Variants in KY observed in about 807,000 individuals in gnomAD.
KY encodes the protein kyphoscoliosis peptidase.
A neutral mutation model predicts 76.1 loss-of-function variants in KY; 43 were observed. The observed-to-expected ratio is 0.57, with a 90% confidence interval of 0.44 to 0.73. The LOEUF is 0.73. KY is among the 30% of genes least tolerant of loss of function. The pLI, the probability that KY is intolerant of heterozygous loss-of-function variation, is 0.00. For missense variants in KY, 722 were observed against 828.9 expected, an observed-to-expected ratio of 0.87 and a Z score of 1.58; for synonymous variants, 277 against 326.2, an observed-to-expected ratio of 0.85 and a Z score of 1.63.
chr3:134,628,490 A>G (rs1963764260), intron 4 of KY, among the ~76,000 whole-genome samples: 1 of 152,200 alleles, frequency 6.6e-6, no homozygotes, highest in South Asian at 2.1e-4. Flanking sequence ...ATGCCCCTGA[A>G]GGCCACTTTA....
At chr3:134,647,557 T>A in intron 1 of KY, 60 bp from the exon 2 acceptor site, 1 of 1,023,814 alleles carries the variant, frequency 9.8e-7, no homozygotes, top group Non-Finnish European at 1.5e-6. Flanking sequence ...GATGTACCAG[T>A]TGCAGACTTA....
rs375073237 is a variant in KY, at chr3:134,640,317, C to T, written c.262+2999G>A. The stretch of plus-strand genomic sequence containing the variant: ...GGGGAGTAGTTAAGCCCACCGCTTT[C>T]GAGAGCCCACAGACATGGGTTCAAC... On this transcript the variant is annotated intron_variant, in intron 3 of 10. Coordinates refer to ENST00000423778, the MANE Select transcript of KY (RefSeq NM_178554.6). Among the ~76,000 whole-genome samples the T allele has an allele frequency of 3.3e-4, 50 of 152,236 alleles. 1 individual carries two copies. The highest frequency in any genetic ancestry group is 1.2e-3 in the African/African-American group (49 of 41,524).
At chr3:134,647,111 G>C (rs1043711811) in intron 2 of KY, among the ~76,000 whole-genome samples, 8 of 152,176 alleles carry the variant, frequency 5.3e-5, no homozygotes, top group African/African-American at 1.7e-4. Flanking sequence ...AAGATAGATG[G>C]CTGCCTCTCA....
At chr3:134,645,896 A>G (rs1447488782) in intron 2 of KY, among the ~76,000 whole-genome samples, 2 of 152,250 alleles carry the variant, frequency 1.3e-5, no homozygotes, top group Non-Finnish European at 2.9e-5. Context: ...CTCCCAAATC[A>G]GAAACCCGGA....
intron 8 of KY, among the ~76,000 whole-genome samples, chr3:134,617,314 G>A (rs1418707412): frequency 6.6e-6 from 1 of 152,210 alleles, no homozygotes. Context: ...TATTTCATCA[G>A]TTAAAAGAGA....
chr3:134,631,404 G>A (rs114030459), intron 3 of KY, among the ~76,000 whole-genome samples: 1,548 of 152,262 alleles, frequency 0.01, 35 homozygotes, highest in African/African-American at 0.036. Context: ...TCTTCAGACG[G>A]AAGAGAAATT....
intron 8 of KY, among the ~76,000 whole-genome samples, chr3:134,616,151 G>A (rs1175383659): frequency 6.6e-6 from 1 of 152,218 alleles, no homozygotes; most frequent in Non-Finnish European, 1.5e-5. Context: ...GAGGCAAAAA[G>A]AGAGACATTA....
In KY at chr3:134,617,653, T is replaced by C. The variant is rs1435416629; in HGVS notation, c.710+1495A>G. Among the ~76,000 whole-genome samples, 4 of 152,218 alleles carry C rather than the reference T, an allele frequency of 2.6e-5. No individual in the cohort carries two copies. The East Asian group carries it at 7.7e-4, about 29-fold the overall frequency. On this transcript the variant is annotated intron_variant, in intron 8 of 10. Coordinates refer to ENST00000423778, the MANE Select transcript of KY (RefSeq NM_178554.6). ...AAACCATCTACAATGAATGGTATTT[T>C]TTAAATTTAAAAATGTTATTAATTG...
rs79832006 is a variant in KY at position 134,610,129 on chromosome 3, A to G, written c.899+66T>C. On this transcript the variant is annotated intron_variant, in intron 9 of 10. Coordinates refer to ENST00000423778, the MANE Select transcript of KY (RefSeq NM_178554.6). ...CTTGGTCTTCTCCACCTGCTGCTTC[A>G]TGCTGCCTGGCACATCCTCCACTTC... 45,248 of 1,525,974 alleles carry G rather than the reference A, an allele frequency of 0.03. 844 individuals carry two copies. Among genetic ancestry groups the G allele is most frequent in the South Asian group, 0.046 (3,776 of 81,270 alleles). 94.5% of individuals were successfully genotyped at this position (1,525,974 alleles called of 1,614,324 possible). A position where few individuals can be genotyped will look rare whatever the true frequency, so the allele number is the denominator to read the frequency against.
chr3:134,619,083 T>C, intron 8 of KY, 65 bp downstream of exon 8: 1 of 1,334,068 alleles, frequency 7.5e-7, no homozygotes. Context: ...CAAAGGCACA[T>C]GGCACTGTGG....
At chr3:134,642,566 G>T (rs1259702691) in intron 3 of KY, among the ~76,000 whole-genome samples, 1 of 152,062 alleles carries the variant, frequency 6.6e-6, no homozygotes. Context: ...TGCCTTCCCC[G>T]AGTCCCCAGA....
At chr3:134,636,103 T>A (rs1964931793) in intron 3 of KY, among the ~76,000 whole-genome samples, 1 of 152,240 alleles carries the variant, frequency 6.6e-6, no homozygotes, top group South Asian at 2.1e-4. Context: ...TACATCTTTG[T>A]ATGTATGTAA....
chr3:134,610,833 G>A (rs1960282450), intron 8 of KY: 1 of 154,554 alleles, frequency 6.5e-6, no homozygotes, highest in South Asian at 2.0e-4. Context: ...GGAGAACCAG[G>A]GCGCTTCTGG....
At chr3:134,631,414 T>G (rs551641985) in intron 3 of KY, among the ~76,000 whole-genome samples, 28 of 152,146 alleles carry the variant, frequency 1.8e-4, no homozygotes, top group Non-Finnish European at 3.8e-4. Flanking sequence ...GAAGAGAAAT[T>G]ATACCAGAGG....
rs775804732 is a variant in KY, at chr3:134,604,012, T to C, written c.1553A>G (p.Glu518Gly). The change falls in exon 11 of 11, where the codon GAG becomes GGG. Residue 518 changes from glutamate (E) to glycine (G), a missense_variant. By Grantham distance (98) the Glu-to-Gly change is moderately conservative. This residue lies in a region of KY where 552 missense variants were observed against 680.9 expected (regional missense o/e 0.81). Transcript: ENST00000423778. ...CTGGACTTTCAGCTCGGTCTGCTTC[T>C]CCCGGTGCAGCTGGAAGATGTAGCG... ...QRRYIFQLHREKQTELKVQLP... is the reference protein window; with the variant it reads ...QRRYIFQLHRGKQTELKVQLP... The C allele has an allele frequency of 1.2e-6, 2 of 1,613,980 alleles. No individual in the cohort carries two copies. The highest frequency in any genetic ancestry group is 2.7e-5 in the African/African-American group (2 of 75,042).
At position 134,602,669 on chromosome 3, in the gene KY, T is replaced by C. The variant is rs1959019879; in HGVS notation, c.*910A>G. On this transcript the variant is annotated 3_prime_UTR_variant, in exon 11 of 11. Transcript: ENST00000423778. ...AAGGGCCTGGCCAGCCTCTGGAGGC[T>C]CTCTGTGGAGGTGGGGCAGGGGCCT... 6.6e-6 allele frequency among the ~76,000 whole-genome samples: 1 copy of C among 152,064 alleles called. No individual in the cohort carries two copies. The highest frequency in any genetic ancestry group is 1.5e-5 in the Non-Finnish European group (1 of 67,990).
intron 2 of KY, among the ~76,000 whole-genome samples, chr3:134,644,238 C>T (rs1178363424): frequency 6.6e-6 from 1 of 152,202 alleles, no homozygotes; most frequent in African/African-American, 2.4e-5. Context: ...GCAGGGCATG[C>T]ACGCTACACA....
Position 134,605,412 on chromosome 3 carries a change from C to T in KY, c.1091-938G>A, listed in dbSNP as rs968136667. Among the ~76,000 whole-genome samples the T allele has an allele frequency of 6.6e-5, 10 of 152,292 alleles. No individual in the cohort carries two copies. The East Asian group carries it at 1.7e-3, about 26-fold the overall frequency. ...TCTGATCCATGTCCCTAGGAACTTT[C>T]CCCTAGCTTGGACTCTTGGTAGGGG... On this transcript the variant is annotated intron_variant, in intron 10 of 10. Transcript: ENST00000423778.
At position 134,600,465 on chromosome 3, in the gene KY, A is replaced by G. The variant is rs549108110; in HGVS notation, c.*3114T>C. On this transcript the variant is annotated 3_prime_UTR_variant, in exon 11 of 11. Transcript: ENST00000423778. ...GTGAGGAGGCTGTCCTGGTAGGACA[A>G]TGTAACATATGGGGAACTCACAATG... Among the ~76,000 whole-genome samples the G allele has an allele frequency of 4.3e-4, 66 of 152,318 alleles. No individual in the cohort carries two copies. Among genetic ancestry groups the G allele is most frequent in the African/African-American group, 1.5e-3 (64 of 41,570 alleles).
Sources: allele counts gnomAD v4.1 joint callset (sites outside exome capture counted in the v4.1 genomes callset), GRCh38; gene constraint gnomAD v4.1.1; regional missense constraint gnomAD v4.1.1; transcripts MANE v1.5; gene names NCBI Gene and HGNC (gene_info 2026-07-23, HGNC 2026-07-21).